CDH2: variants seen among roughly 807,000 people sequenced by gnomAD.
CDH2 encodes cadherin-2.
In CDH2, 17 loss-of-function variants were observed where a neutral mutation model predicts 92.0. That is an observed-to-expected ratio of 0.18 (90% confidence interval 0.13 to 0.28). The LOEUF (loss-of-function observed/expected upper bound fraction) is 0.28. CDH2 is among the 10% of genes least tolerant of loss of function. CDH2 has a pLI of 1.00. For synonymous variants in CDH2, 419 were observed against 415.9 expected, an observed-to-expected ratio of 1.01 and a Z score of -0.09; for missense variants, 862 against 1,133.1, an observed-to-expected ratio of 0.76 and a Z score of 3.44.
chr18:27,952,430 C>T, intron 15 of CDH2, 71 bp from the exon 16 acceptor site: 1 of 1,180,570 alleles, frequency 8.5e-7, no homozygotes, highest in Admixed American at 1.8e-5. Context: ...CAAGCAGATC[C>T]TAATGAATTC....
intron 5 of CDH2, among the ~76,000 whole-genome samples, chr18:28,008,730 C>T (rs17462962): frequency 0.16 from 24,656 of 149,866 alleles, 2,321 homozygotes; most frequent in South Asian, 0.3. Flanking sequence ...TACCCTAGAA[C>T]TTAAAGTATA....
intron 2 of CDH2, among the ~76,000 whole-genome samples, chr18:28,015,968 G>A (rs879579583): frequency 1.2e-4 from 18 of 152,168 alleles, no homozygotes; most frequent in Admixed American, 3.9e-4. Flanking sequence ...CCCCTACCTC[G>A]TGCTGCTCCA....
At chr18:28,030,495 A>C (rs903021391) in intron 2 of CDH2, among the ~76,000 whole-genome samples, 1 of 152,086 alleles carries the variant, frequency 6.6e-6, no homozygotes, top group African/African-American at 2.4e-5. Flanking sequence ...AAGTAAAAAC[A>C]AACAAACAAC....
At chr18:27,958,467 ATATATG>A (rs1368102075) in intron 15 of CDH2, among the ~76,000 whole-genome samples, 1 of 150,600 alleles carries the variant, frequency 6.6e-6, no homozygotes, top group Non-Finnish European at 1.5e-5. Context: ...AAATCTCTTT[ATATATG>A]TATGTTTGTA....
At chr18:28,070,139 T>C (rs528069810) in intron 2 of CDH2, among the ~76,000 whole-genome samples, 1 of 152,116 alleles carries the variant, frequency 6.6e-6, no homozygotes, top group Non-Finnish European at 1.5e-5. Flanking sequence ...TGGAATTCTG[T>C]AGGTCAAGAA....
chr18:27,939,349 C>G (rs1909085428), intron 6 of CDH2, among the ~76,000 whole-genome samples: 1 of 152,122 alleles, frequency 6.6e-6, no homozygotes, highest in Non-Finnish European at 1.5e-5. Flanking sequence ...ACTAATATTC[C>G]TGCTGAATCT....
chr18:28,015,176 T>C (rs2013209269), intron 2 of CDH2, among the ~76,000 whole-genome samples: 1 of 152,200 alleles, frequency 6.6e-6, no homozygotes. Context: ...CACTGAGACG[T>C]GCACACAGCC....
chr18:28,109,186 A>T (rs193029612), intron 2 of CDH2, among the ~76,000 whole-genome samples: 11 of 152,356 alleles, frequency 7.2e-5, no homozygotes, highest in African/African-American at 2.2e-4. Flanking sequence ...AATCAAATTA[A>T]GAATATTTTC....
chr18:27,955,304 C>T (rs1296791932), intron 15 of CDH2, among the ~76,000 whole-genome samples: 2 of 143,138 alleles, frequency 1.4e-5, no homozygotes, highest in African/African-American at 2.6e-5. Flanking sequence ...CACCATGGCA[C>T]GTGTATACCT....
At chr18:28,117,887 T>C (rs578153279) in intron 2 of CDH2, among the ~76,000 whole-genome samples, 16 of 152,242 alleles carry the variant, frequency 1.1e-4, no homozygotes, top group African/African-American at 3.4e-4. Flanking sequence ...CTCTTTCTAG[T>C]ATGTTAGGCC....
intron 2 of CDH2, among the ~76,000 whole-genome samples, chr18:28,051,588 A>G (rs1325940616): frequency 6.6e-6 from 1 of 152,188 alleles, no homozygotes; most frequent in Non-Finnish European, 1.5e-5. Context: ...TAAATGTCAA[A>G]CATTTTTATT....
chr18:28,079,257 C>T (rs1235273456), intron 2 of CDH2, among the ~76,000 whole-genome samples: 4 of 152,160 alleles, frequency 2.6e-5, no homozygotes, highest in African/African-American at 9.7e-5. Context: ...ATTACAAAAA[C>T]CCTTGCTCTC....
chr18:28,176,075 G>A (rs2016535783), intron 1 of CDH2, among the ~76,000 whole-genome samples: 1 of 152,216 alleles, frequency 6.6e-6, no homozygotes, highest in African/African-American at 2.4e-5. Context: ...GGGAACCTGC[G>A]CCCGGACTGG....
intron 2 of CDH2, among the ~76,000 whole-genome samples, chr18:28,066,906 CAAAAT>C (rs1467713206): frequency 6.6e-6 from 1 of 152,062 alleles, no homozygotes; most frequent in Non-Finnish European, 1.5e-5. Context: ...AAGTAAAACT[CAAAAT>C]AAAACCCTAA....
At chr18:28,137,397 G>A (rs779544602) in intron 2 of CDH2, among the ~76,000 whole-genome samples, 1 of 152,026 alleles carries the variant, frequency 6.6e-6, no homozygotes, top group Non-Finnish European at 1.5e-5. Context: ...TCCATAAAAA[G>A]ACCTTAATCC....
intron 2 of CDH2, among the ~76,000 whole-genome samples, chr18:28,125,906 T>C (rs2015669970): frequency 6.6e-6 from 1 of 152,154 alleles, no homozygotes; most frequent in Non-Finnish European, 1.5e-5. Flanking sequence ...GGTTTCATCA[T>C]TTTCCTTAAT....
At chr18:28,106,222 G>A (rs2015318450) in intron 2 of CDH2, among the ~76,000 whole-genome samples, 1 of 151,528 alleles carries the variant, frequency 6.6e-6, no homozygotes. Flanking sequence ...TTCAAGACCA[G>A]CCTGGCCAAC....
intron 2 of CDH2, among the ~76,000 whole-genome samples, chr18:28,084,825 A>G (rs2014897165): frequency 6.6e-6 from 1 of 152,072 alleles, no homozygotes; most frequent in Non-Finnish European, 1.5e-5. Flanking sequence ...CATGACTTAA[A>G]TCCTAATCTG....
intron 1 of CDH2, among the ~76,000 whole-genome samples, chr18:28,164,438 T>C (rs1221347505): frequency 1.3e-5 from 2 of 152,196 alleles, no homozygotes; most frequent in Admixed American, 6.5e-5. Context: ...AATAGAAAGA[T>C]GCTAAGTTAA....
Sources: gnomAD v4.1 joint callset for allele counts (sites outside exome capture counted in the v4.1 genomes callset) on GRCh38, gnomAD v4.1.1 for gene constraint, MANE v1.5 for transcripts, NCBI Gene and HGNC (gene_info 2026-07-23, HGNC 2026-07-21) for gene names.